Variants in TAS1R1 observed in about 807,000 individuals in gnomAD.
TAS1R1 encodes taste receptor type 1 member 1.
Under a neutral mutation model 45.8 loss-of-function variants are expected in TAS1R1, and 31 were observed. The ratio of observed to expected loss-of-function variants is 0.68; its 90% CI spans 0.51 to 0.91. The LOEUF is 0.91. TAS1R1 is among the 40% of genes least tolerant of loss of function. TAS1R1 has a pLI of 0.00. For synonymous variants in TAS1R1, 437 were observed against 448.4 expected, an observed-to-expected ratio of 0.97 and a Z score of 0.32; for missense variants, 1,051 against 1,063.9, an observed-to-expected ratio of 0.99 and a Z score of 0.17.
chr1:6,570,200 AG>A (rs1639975099), intron 1 of TAS1R1, among the ~76,000 whole-genome samples: 1 of 152,072 alleles, frequency 6.6e-6, no homozygotes, highest in Non-Finnish European at 1.5e-5. Flanking sequence ...CAATCAGAGG[AG>A]GCAGCAGCCC....
intron 1 of TAS1R1, among the ~76,000 whole-genome samples, chr1:6,567,041 AG>A (rs2148669968): frequency 6.6e-6 from 1 of 152,274 alleles, no homozygotes; most frequent in South Asian, 2.1e-4. Context: ...GGAGGGACTC[AG>A]GTTGGGGGAG....
At chr1:6,562,657 G>A (rs559728237) in intron 1 of TAS1R1, among the ~76,000 whole-genome samples, 1 of 152,200 alleles carries the variant, frequency 6.6e-6, no homozygotes, top group African/African-American at 2.4e-5. Context: ...TAGCTGTACG[G>A]CTCTGCGTTG....
chr1:6,557,584 C>T (rs754291780), intron 1 of TAS1R1, among the ~76,000 whole-genome samples: 4 of 151,972 alleles, frequency 2.6e-5, no homozygotes, highest in Non-Finnish European at 4.4e-5. Flanking sequence ...TACAGGCATG[C>T]ACCACCACTC....
intron 1 of TAS1R1, among the ~76,000 whole-genome samples, chr1:6,562,798 C>T (rs1639812316): frequency 6.6e-6 from 1 of 152,166 alleles, no homozygotes; most frequent in Non-Finnish European, 1.5e-5. Flanking sequence ...TGAGGTTCCA[C>T]ACAAGAAAAA....
intron 1 of TAS1R1, among the ~76,000 whole-genome samples, chr1:6,557,626 G>C (rs1035235125): frequency 2.0e-5 from 3 of 152,096 alleles, no homozygotes; most frequent in African/African-American, 7.2e-5. Context: ...TGTTGAGAAG[G>C]TGGTCTCACT....
rs1223502031 is a variant in TAS1R1, at chr1:6,577,539, A to C, written c.1594+469A>C. Among the ~76,000 whole-genome samples, 4 of 129,398 alleles carry C rather than the reference A, an allele frequency of 3.1e-5. No individual in the cohort carries two copies. In the East Asian group the frequency reaches 9.5e-4, roughly 31 times the overall value. The allele number at this position is 129,398 out of a possible 152,430, so 84.9% of individuals were successfully genotyped here. On this transcript the variant is annotated intron_variant, in intron 5 of 5. Coordinates refer to ENST00000333172, the MANE Select transcript of TAS1R1 (RefSeq NM_138697.4). ...AGAATTCGTCCCCCCAAAAAAAGAA[A>C]GGAGGCCGGGCGCGGTGGCTCACAC...
At chr1:6,577,676 AAGTT>A (rs1640218219) in intron 5 of TAS1R1, among the ~76,000 whole-genome samples, 1 of 150,308 alleles carries the variant, frequency 6.7e-6, no homozygotes, top group Non-Finnish European at 1.5e-5. Flanking sequence ...AATACAAAAA[AAGTT>A]AGCCGGGCGT....
chr1:6,557,568 T>C (rs907716965), intron 1 of TAS1R1, among the ~76,000 whole-genome samples: 14 of 152,124 alleles, frequency 9.2e-5, no homozygotes, highest in African/African-American at 3.4e-4. Flanking sequence ...CCCAAGTAGC[T>C]GGGACTACAG....
In TAS1R1 at chr1:6,579,060, A is replaced by G. The variant is rs201676355; in HGVS notation, c.2002A>G (p.Thr668Ala). 6.2e-7 allele frequency: 1 copy of G among 1,613,274 alleles called. No homozygotes were observed. The change falls in exon 6 of 6, where the codon ACA (threonine) becomes GCA (alanine). Residue 668 changes from threonine to alanine, a missense_variant. Thr to Ala is a moderately conservative substitution (Grantham distance 58). Coordinates refer to ENST00000333172, the MANE Select transcript of TAS1R1 (RefSeq NM_138697.4). ...IIFKFSTKVP[T>A]FYHAWVQNHG... ...CTTCAAGTTTTCCACCAAGGTACCT[A>G]CATTCTACCACGCCTGGGTCCAAAA...
intron 1 of TAS1R1, among the ~76,000 whole-genome samples, chr1:6,568,572 G>A (rs550909904): frequency 6.6e-6 from 1 of 152,150 alleles, no homozygotes; most frequent in South Asian, 2.1e-4. Context: ...ATTTTCGTCT[G>A]CCTTTTGGGA....
At chr1:6,575,486 G>A in intron 3 of TAS1R1, 94 bp downstream of exon 3, 1 of 1,342,852 alleles carries the variant, frequency 7.4e-7, no homozygotes, top group South Asian at 1.6e-5. Flanking sequence ...AAATGCCAAG[G>A]GGGATAAATG....
chr1:6,556,493 T>C (rs967342772), intron 1 of TAS1R1, among the ~76,000 whole-genome samples: 1 of 152,032 alleles, frequency 6.6e-6, no homozygotes, highest in Non-Finnish European at 1.5e-5. Context: ...CTCCTCCTCC[T>C]GGGCTCAAGT....
chr1:6,565,824 G>A (rs941044617), intron 1 of TAS1R1, among the ~76,000 whole-genome samples: 6 of 152,166 alleles, frequency 3.9e-5, no homozygotes, highest in African/African-American at 1.4e-4. Context: ...GGGCTGGCTA[G>A]GAGGGCAAAG....
At position 6,562,857 on chromosome 1, in the gene TAS1R1, C is replaced by T. The variant is rs368107190; in HGVS notation, c.191+7293C>T. ...ACTGGTTATGTATATTGAAAAAGCA[C>T]GTGAGTTTATTGTTTTCATCCTCCC... is the stretch of plus-strand genomic sequence containing the variant. On this transcript the variant is annotated intron_variant, in intron 1 of 5. Coordinates refer to ENST00000333172, the MANE Select transcript of TAS1R1 (RefSeq NM_138697.4). 2.4e-4 allele frequency among the ~76,000 whole-genome samples: 36 copies of T among 152,244 alleles called. No individual in the cohort carries two copies. In the East Asian group the frequency reaches 4.4e-3, roughly 19 times the overall value.
intron 1 of TAS1R1, among the ~76,000 whole-genome samples, chr1:6,569,011 G>A (rs575426218): frequency 1.1e-3 from 164 of 152,262 alleles, no homozygotes; most frequent in African/African-American, 3.6e-3. Context: ...GCCACCTCCC[G>A]GAGCGGAAGT....
intron 1 of TAS1R1, among the ~76,000 whole-genome samples, chr1:6,562,578 C>G (rs1398527120): frequency 1.3e-5 from 2 of 152,190 alleles, no homozygotes. Context: ...CAGCTTTTCT[C>G]CCAACAGACA....
At chr1:6,571,537 A>G (rs1451905640) in intron 2 of TAS1R1, among the ~76,000 whole-genome samples, 1 of 152,170 alleles carries the variant, frequency 6.6e-6, no homozygotes, top group Non-Finnish European at 1.5e-5. Context: ...TTTGTTAGGA[A>G]TGGACATCCT....
Position 6,579,232 on chromosome 1 carries a change from C to A in TAS1R1, c.2174C>A (p.Ser725Tyr), listed in dbSNP as rs1266411203. Residue 725 changes from serine (S) to tyrosine (Y), a missense_variant, in exon 6 of 6, where the codon TCC becomes TAC. Ser to Tyr is a moderately radical substitution (Grantham distance 144). Coordinates refer to ENST00000333172, the MANE Select transcript of TAS1R1 (RefSeq NM_138697.4). ...ATGCTTGAGTGCACAGAGACCAACT[C>A]CCTGGGCTTCATACTGGCCTTCCTC... ...LVMLECTETN[S>Y]LGFILAFLYN... 2.5e-6 allele frequency: 4 copies of A among 1,614,054 alleles called. No homozygotes were observed. The highest frequency in any genetic ancestry group is 3.4e-6 in the Non-Finnish European group (4 of 1,180,036).
Position 6,579,373 on chromosome 1 carries a change from C to A in TAS1R1, c.2315C>A (p.Ser772Tyr). Residue 772 changes from serine (S) to tyrosine (Y), a missense_variant, in exon 6 of 6, where the codon TCC becomes TAC. Coordinates refer to ENST00000333172, the MANE Select transcript of TAS1R1 (RefSeq NM_138697.4). ...VTFSLLFNFV[S>Y]WIAFFTTASV... ...TTCAGCCTGCTCTTCAACTTCGTGT[C>A]CTGGATCGCCTTCTTCACCACGGCC... 6.2e-7 allele frequency: 1 copy of A among 1,613,956 alleles called. No homozygotes were observed. The highest frequency in any genetic ancestry group is 2.2e-5 in the East Asian group (1 of 44,886).
Sources: gnomAD v4.1 joint callset for allele counts (sites outside exome capture counted in the v4.1 genomes callset) on GRCh38, gnomAD v4.1.1 for gene constraint, MANE v1.5 for transcripts, NCBI Gene and HGNC (gene_info 2026-07-23, HGNC 2026-07-21) for gene names.